The following PAGR1 variants were observed in gnomAD, a reference collection of about 807,000 sequenced individuals.
PAGR1 encodes PAXIP1-associated glutamate-rich protein 1.
A neutral mutation model predicts 22.4 loss-of-function variants in PAGR1; 20 were observed. That is an observed-to-expected ratio of 0.89 (90% CI 0.63 to 1.30). PAGR1 has a LOEUF of 1.30. Among genes scored for constraint, PAGR1 ranks in the 50% most tolerant of loss-of-function variants. The probability of loss-of-function intolerance (pLI) is 0.00; values close to 1 mark genes in which losing one functional copy is unlikely to be tolerated. For missense variants in PAGR1, 338 were observed against 343.6 expected (o/e 0.98, Z 0.13); for synonymous variants, 161 against 148.3 (o/e 1.09, Z -0.62).
Position 29,816,179 on chromosome 16 carries a change from G to A in PAGR1, c.-347G>A, listed in dbSNP as rs747826778. ...GTGCGTACGGCATCTGACTTGACGT[G>A]GCCCACAACTGAAAGGTCTGGGGAG... is the stretch of plus-strand genomic sequence containing the variant. On this transcript the variant is annotated 5_prime_UTR_variant, in exon 1 of 3. Coordinates refer to ENST00000320330, the MANE Select transcript of PAGR1 (RefSeq NM_024516.4). 15 of 360,352 alleles carry A rather than the reference G, an allele frequency of 4.2e-5. No homozygotes were observed. Among genetic ancestry groups the A allele is most frequent in the Admixed American group, 1.4e-4 (3 of 22,034 alleles). 22.3% of individuals were successfully genotyped at this position (360,352 alleles called of 1,614,324 possible). A position where few individuals can be genotyped will look rare whatever the true frequency, so the allele number is the denominator to read the frequency against.
chr16:29,821,899 G>A lies in PAGR1; in HGVS notation c.*2145G>A, dbSNP rs2067364424. Among the ~76,000 whole-genome samples, 1 of 152,158 alleles carries A rather than the reference G, an allele frequency of 6.6e-6. No individual in the cohort carries two copies. Reference sequence around the variant, plus strand: ...CTTAGACCCAGTGAGTCAGAAGTGAGGCCTGCAAAAAGCAGCAGGAGTGGG... The same window carrying A: ...CTTAGACCCAGTGAGTCAGAAGTGAAGCCTGCAAAAAGCAGCAGGAGTGGG... On this transcript the variant is annotated 3_prime_UTR_variant, in exon 3 of 3. Transcript: ENST00000320330.
chr16:29,822,189 C>T lies in PAGR1; in HGVS notation c.*2435C>T, dbSNP rs2067367702. 6.6e-6 allele frequency among the ~76,000 whole-genome samples: 1 copy of T among 150,708 alleles called. No homozygotes were observed. Among genetic ancestry groups the T allele is most frequent in the Non-Finnish European group, 1.5e-5 (1 of 67,882 alleles). ...GGTGCTGAAGCCTGGTTCCTGGGGT[C>T]GCTTCTGATCTAGGCGGTTCTTGCC... is the stretch of plus-strand genomic sequence containing the variant. On this transcript the variant is annotated 3_prime_UTR_variant, in exon 3 of 3. Transcript: ENST00000320330.
At chr16:29,818,829 A>G (rs756903771) in intron 2 of PAGR1, among the ~76,000 whole-genome samples, 1 of 152,144 alleles carries the variant, frequency 6.6e-6, no homozygotes, top group Non-Finnish European at 1.5e-5. Flanking sequence ...CAGCTTCCCA[A>G]AGTGCTGGAA....
In PAGR1 at chr16:29,816,712, G is replaced by C. The variant is rs772168243; in HGVS notation, c.187G>C (p.Gly63Arg). The C allele has an allele frequency of 4.4e-6, 7 of 1,608,814 alleles. No individual in the cohort carries two copies. The South Asian group carries it at 6.6e-5, about 15-fold the overall frequency. Residue 63 changes from glycine to arginine, a missense_variant, in exon 1 of 3, where the codon GGG (glycine) becomes CGG (arginine). By Grantham distance (125) the Gly-to-Arg change is moderately radical. Coordinates refer to ENST00000320330, the MANE Select transcript of PAGR1 (RefSeq NM_024516.4). ...GREETEREGSGGEEAQGEVPS... is the reference protein window; with the variant it reads ...GREETEREGSRGEEAQGEVPS... ...AGAGGAGACCGAGCGTGAGGGGTCC[G>C]GGGGCGAGGAGGCGCAGGGAGAAGT...
Position 29,817,198 on chromosome 16 carries a change from C to T in PAGR1, c.483-12C>T, listed in dbSNP as rs1900268955. The T allele has an allele frequency of 1.9e-6, 3 of 1,614,042 alleles. No homozygotes were observed. Among genetic ancestry groups the T allele is most frequent in the Non-Finnish European group, 2.5e-6 (3 of 1,179,988 alleles). On this transcript the variant is annotated splice_polypyrimidine_tract_variant and intron_variant, in intron 1 of 2. Coordinates refer to ENST00000320330, the MANE Select transcript of PAGR1 (RefSeq NM_024516.4). ...GACCGCCCTCACCCTTAACTATGTT[C>T]ACCTGTCCCAGACCACACATGCCCA...
chr16:29,822,321 T>TAAA lies in PAGR1; in HGVS notation c.*2578_*2580dup, dbSNP rs58807414. Reference sequence around the variant, plus strand: ...AAAAGTTCCTAAAACTGTGCTGCTTTAAAAAAAAAAAAAGTAATTTATGAG... The same window carrying TAAA: ...AAAAGTTCCTAAAACTGTGCTGCTTTAAAAAAAAAAAAAAAAGTAATTTATGAG... On this transcript the variant is annotated 3_prime_UTR_variant, in exon 3 of 3. Transcript: ENST00000320330. 7.0e-6 allele frequency among the ~76,000 whole-genome samples: 1 copy of TAAA among 143,540 alleles called. No homozygotes were observed. Among genetic ancestry groups the TAAA allele is most frequent in the African/African-American group, 2.5e-5 (1 of 39,636 alleles). The allele number at this position is 143,540 out of a possible 152,430, so 94.2% of individuals were successfully genotyped here.
chr16:29,822,063 T>G lies in PAGR1; in HGVS notation c.*2309T>G, dbSNP rs181008451. On this transcript the variant is annotated 3_prime_UTR_variant, in exon 3 of 3. Coordinates refer to ENST00000320330, the MANE Select transcript of PAGR1 (RefSeq NM_024516.4). ...CAACATAGCGAGACCCTGTCTCTGT[T>G]TGTGTGTGTGTGGTTGGGGTTTTGT... Among the ~76,000 whole-genome samples, 1 of 151,550 alleles carries G rather than the reference T, an allele frequency of 6.6e-6. No individual in the cohort carries two copies. The highest frequency in any genetic ancestry group is 2.4e-5 in the African/African-American group (1 of 41,306).
chr16:29,817,360 C>T (rs1432845172), intron 2 of PAGR1, 68 bp downstream of exon 2: 4 of 1,492,980 alleles, frequency 2.7e-6, no homozygotes, highest in Non-Finnish European at 3.7e-6. Context: ...GATCGGCTCC[C>T]CTAGAGGCCT....
rs1485950400 is a variant in PAGR1 at position 29,821,727 on chromosome 16, T to C, written c.*1973T>C. 6.6e-6 allele frequency among the ~76,000 whole-genome samples: 1 copy of C among 152,240 alleles called. No individual in the cohort carries two copies. Among genetic ancestry groups the C allele is most frequent in the Non-Finnish European group, 1.5e-5 (1 of 68,032 alleles). ...ATAACTGTGTGCTCTTGGGCAAATTTCTTAACTTGCAGGTTCTTGTGAGGA... is the reference window on the plus strand; with the variant it reads ...ATAACTGTGTGCTCTTGGGCAAATTCCTTAACTTGCAGGTTCTTGTGAGGA... On this transcript the variant is annotated 3_prime_UTR_variant, in exon 3 of 3. Coordinates refer to ENST00000320330, the MANE Select transcript of PAGR1 (RefSeq NM_024516.4).
In PAGR1 at chr16:29,819,901, G is replaced by A. The variant is rs1376643077; in HGVS notation, c.*147G>A. 4 of 841,350 alleles carry A rather than the reference G, an allele frequency of 4.8e-6. No homozygotes were observed. In the East Asian group the frequency reaches 1.1e-4, roughly 23 times the overall value. 52.1% of individuals were successfully genotyped at this position (841,350 alleles called of 1,614,324 possible). ...ACGTTGCGGGAAAGAGGAAGAGAGA[G>A]TGTGAGTGTGTGTGTGTGTTTTTTC... On this transcript the variant is annotated 3_prime_UTR_variant, in exon 3 of 3. Coordinates refer to ENST00000320330, the MANE Select transcript of PAGR1 (RefSeq NM_024516.4).
At chr16:29,819,483 G>C in intron 2 of PAGR1, 72 bp from the exon 3 acceptor site, 1 of 1,504,212 alleles carries the variant, frequency 6.6e-7, no homozygotes, top group Non-Finnish European at 9.2e-7. Flanking sequence ...CCCAAGTGAT[G>C]AGTGAGGTCC....
At chr16:29,819,305 G>A in intron 2 of PAGR1, 4 of 520,494 alleles carry the variant, frequency 7.7e-6, no homozygotes, top group South Asian at 7.5e-5. Flanking sequence ...CTTGTCCTGG[G>A]GCCTCTACCC....
Position 29,821,367 on chromosome 16 carries a change from G to C in PAGR1, c.*1613G>C, listed in dbSNP as rs955796031. 2 of 152,256 alleles carry C rather than the reference G, an allele frequency of 1.3e-5. No homozygotes were observed. The highest frequency in any genetic ancestry group is 4.8e-5 in the African/African-American group (2 of 41,442). The allele number at this position is 152,256 out of a possible 1,614,324, so 9.4% of individuals were successfully genotyped here. A position where few individuals can be genotyped will look rare whatever the true frequency, so the allele number is the denominator to read the frequency against. ...CGGGTGTGGCTGTTTGGGCAGGACA[G>C]CCCTCTGTATGTAGCCTTGAGCAGG... On this transcript the variant is annotated 3_prime_UTR_variant, in exon 3 of 3. Transcript: ENST00000320330.
At position 29,820,012 on chromosome 16, in the gene PAGR1, TAGAG is replaced by T. The variant is rs953358536; in HGVS notation, c.*263_*266del. 2.0e-5 allele frequency: 9 copies of T among 459,076 alleles called. No homozygotes were observed. Among genetic ancestry groups the T allele is most frequent in the South Asian group, 3.7e-5 (1 of 26,750 alleles). 28.4% of individuals were successfully genotyped at this position (459,076 alleles called of 1,614,324 possible). On this transcript the variant is annotated 3_prime_UTR_variant, in exon 3 of 3. Coordinates refer to ENST00000320330, the MANE Select transcript of PAGR1 (RefSeq NM_024516.4). The stretch of plus-strand genomic sequence containing the variant: ...GTGTGTTTTCTATTGAACATCTATA[TAGAG>T]AGAGTGTGTGAGTGTGTGTTTTCTA...
Position 29,819,802 on chromosome 16 carries a change from C to A in PAGR1, c.*48C>A, listed in dbSNP as rs1185018219. 1 of 1,546,366 alleles carries A rather than the reference C, an allele frequency of 6.5e-7. No homozygotes were observed. ...GGTGCAGTGTCCGTACCTGCTGGAG[C>A]CTGGGCCCTCCTTCCCCAGCCCAGA... On this transcript the variant is annotated 3_prime_UTR_variant, in exon 3 of 3. Coordinates refer to ENST00000320330, the MANE Select transcript of PAGR1 (RefSeq NM_024516.4).
rs2067364588 is a variant in PAGR1 at position 29,821,918 on chromosome 16, G to A, written c.*2164G>A. On this transcript the variant is annotated 3_prime_UTR_variant, in exon 3 of 3. Coordinates refer to ENST00000320330, the MANE Select transcript of PAGR1 (RefSeq NM_024516.4). ...AAGTGAGGCCTGCAAAAAGCAGCAG[G>A]AGTGGGGTTAAGAATTCCAGCCTAG... Among the ~76,000 whole-genome samples the A allele has an allele frequency of 6.6e-6, 1 of 152,180 alleles. No homozygotes were observed. The highest frequency in any genetic ancestry group is 2.4e-5 in the African/African-American group (1 of 41,452).
chr16:29,819,975 TAGAGAG>T lies in PAGR1; in HGVS notation c.*224_*229del. 1 of 550,576 alleles carries T rather than the reference TAGAGAG, an allele frequency of 1.8e-6. No homozygotes were observed. Among genetic ancestry groups the T allele is most frequent in the East Asian group, 2.9e-5 (1 of 34,332 alleles). 34.1% of individuals were successfully genotyped at this position (550,576 alleles called of 1,614,324 possible). On this transcript the variant is annotated 3_prime_UTR_variant, in exon 3 of 3. Transcript: ENST00000320330. ...GTGTGTGTTTTCTATTGAACACCTA[TAGAGAG>T]AGTGTGTGTGTTTTCTATTGAACAT...
At position 29,820,174 on chromosome 16, in the gene PAGR1, T is replaced by C. The variant is rs965824537; in HGVS notation, c.*420T>C. 2.5e-5 allele frequency: 4 copies of C among 161,614 alleles called. No individual in the cohort carries two copies. The highest frequency in any genetic ancestry group is 1.8e-4 in the East Asian group (1 of 5,516). 10.0% of individuals were successfully genotyped at this position (161,614 alleles called of 1,614,324 possible). On this transcript the variant is annotated 3_prime_UTR_variant, in exon 3 of 3. Coordinates refer to ENST00000320330, the MANE Select transcript of PAGR1 (RefSeq NM_024516.4). ...GCCCCACTTGAAGGGAGAGGCAGAA[T>C]TGTACTCACCCAGATTGGAAAATGA...
At position 29,816,504 on chromosome 16, in the gene PAGR1, A is replaced by G; in HGVS notation, c.-22A>G. ...TTCGGACTCCAGTATCTGTCGTCGC[A>G]GGGTCCCTGCCCTAGTGGCCTATGT... On this transcript the variant is annotated 5_prime_UTR_variant, in exon 1 of 3. Coordinates refer to ENST00000320330, the MANE Select transcript of PAGR1 (RefSeq NM_024516.4). 1 of 1,474,540 alleles carries G rather than the reference A, an allele frequency of 6.8e-7. No homozygotes were observed. 91.3% of individuals were successfully genotyped at this position (1,474,540 alleles called of 1,614,324 possible).
Sources: gnomAD v4.1 joint callset for allele counts (sites outside exome capture counted in the v4.1 genomes callset) on GRCh38, gnomAD v4.1.1 for gene constraint, MANE v1.5 for transcripts, NCBI Gene and HGNC (gene_info 2026-07-23, HGNC 2026-07-21) for gene names.